AKAIN1: variants seen among roughly 807,000 people sequenced by gnomAD.
The protein encoded by AKAIN1 is A-kinase anchor protein inhibitor 1.
A neutral mutation model predicts 3.7 loss-of-function variants in AKAIN1; 3 were observed. That is an observed-to-expected ratio of 0.82 (90% CI 0.37 to 2.12). The LOEUF (loss-of-function observed/expected upper bound fraction) is 2.12. Ranked by LOEUF, AKAIN1 falls within the 30% of genes most tolerant of loss-of-function variation. The probability of loss-of-function intolerance (pLI) is 0.06; values close to 1 mark genes in which losing one functional copy is unlikely to be tolerated. For synonymous variants in AKAIN1, 31 were observed against 30.8 expected (o/e 1.01, Z -0.02); for missense variants, 82 against 82.7 (o/e 0.99, Z 0.03).
intron 1 of AKAIN1, among the ~76,000 whole-genome samples, chr18:5,189,389 C>T (rs534131280): frequency 6.6e-6 from 1 of 152,284 alleles, no homozygotes; most frequent in South Asian, 2.1e-4. Context: ...CACACTTTTT[C>T]ACTCTTTATA....
intron 1 of AKAIN1, among the ~76,000 whole-genome samples, chr18:5,151,133 G>GCA (rs200113868): frequency 0.025 from 3,835 of 152,192 alleles, 90 homozygotes; most frequent in South Asian, 0.086. Flanking sequence ...ACCACTCCCT[G>GCA]CACACACACT....
chr18:5,175,537 T>G (rs1384413685), intron 1 of AKAIN1, among the ~76,000 whole-genome samples: 1 of 152,168 alleles, frequency 6.6e-6, no homozygotes, highest in Non-Finnish European at 1.5e-5. Context: ...AAGTGCTTAG[T>G]TCCTTTTCCT....
intron 1 of AKAIN1, among the ~76,000 whole-genome samples, chr18:5,179,230 C>G (rs2071243351): frequency 6.6e-6 from 1 of 152,080 alleles, no homozygotes; most frequent in African/African-American, 2.4e-5. Context: ...TCTCCAGTGT[C>G]TATTACTTCT....
At chr18:5,177,513 T>C (rs950239238) in intron 1 of AKAIN1, among the ~76,000 whole-genome samples, 1 of 152,028 alleles carries the variant, frequency 6.6e-6, no homozygotes, top group African/African-American at 2.4e-5. Flanking sequence ...TATGCATACA[T>C]ATGTATACCT....
chr18:5,184,171 C>A (rs1377669657), intron 1 of AKAIN1, among the ~76,000 whole-genome samples: 1 of 151,942 alleles, frequency 6.6e-6, no homozygotes, highest in Non-Finnish European at 1.5e-5. Context: ...TCTGCACATG[C>A]CCCACAATGA....
rs147880850 is a variant in AKAIN1 at position 5,149,216 on chromosome 18, G to A, written c.17-3461C>T. On this transcript the variant is annotated intron_variant, in intron 1 of 1. Coordinates refer to ENST00000434239, the MANE Select transcript of AKAIN1 (RefSeq NM_001145194.2). ...GAGGTTGTGGGACAAAGAGAGCAGC[G>A]AAGCCTGGAGCAGAGAAAGAGAGGG... is the stretch of plus-strand genomic sequence containing the variant. Among the ~76,000 whole-genome samples, 1,002 of 152,314 alleles carry A rather than the reference G, an allele frequency of 6.6e-3. 8 individuals are homozygous for A. Among genetic ancestry groups the A allele is most frequent in the African/African-American group, 0.019 (810 of 41,570 alleles).
At chr18:5,169,456 C>T (rs1162900122) in intron 1 of AKAIN1, among the ~76,000 whole-genome samples, 1 of 151,986 alleles carries the variant, frequency 6.6e-6, no homozygotes, top group Non-Finnish European at 1.5e-5. Flanking sequence ...CCCTCTCTGC[C>T]TGAGACCATG....
At chr18:5,188,282 G>C (rs1448535434) in intron 1 of AKAIN1, among the ~76,000 whole-genome samples, 1 of 151,956 alleles carries the variant, frequency 6.6e-6, no homozygotes, top group East Asian at 1.9e-4. Context: ...CTACAGTTCT[G>C]TGGTCTCAGG....
intron 1 of AKAIN1, among the ~76,000 whole-genome samples, chr18:5,155,267 C>A (rs1410835014): frequency 6.6e-6 from 1 of 152,130 alleles, no homozygotes; most frequent in Non-Finnish European, 1.5e-5. Context: ...GGTTTTGCAT[C>A]CTGTGCTTCA....
rs944226243 is a variant in AKAIN1 at position 5,143,617 on chromosome 18, A to G, written c.*1945T>C. On this transcript the variant is annotated 3_prime_UTR_variant, in exon 2 of 2. Transcript: ENST00000434239. ...TAGCCTTGGAAGTCTCATGGTTCCAAATAATGGTAAGATCCACGTACAAAA... is the reference window on the plus strand; with the variant it reads ...TAGCCTTGGAAGTCTCATGGTTCCAGATAATGGTAAGATCCACGTACAAAA... Among the ~76,000 whole-genome samples, 2 of 152,182 alleles carry G rather than the reference A, an allele frequency of 1.3e-5. No individual in the cohort carries two copies. Among genetic ancestry groups the G allele is most frequent in the African/African-American group, 4.8e-5 (2 of 41,432 alleles).
At chr18:5,183,224 G>T (rs1364576758) in intron 1 of AKAIN1, among the ~76,000 whole-genome samples, 1 of 151,862 alleles carries the variant, frequency 6.6e-6, no homozygotes, top group Non-Finnish European at 1.5e-5. Context: ...AAAAAATTAA[G>T]AGTACATTGA....
intron 1 of AKAIN1, among the ~76,000 whole-genome samples, chr18:5,163,175 C>T (rs925004370): frequency 7.9e-5 from 12 of 151,456 alleles, no homozygotes; most frequent in South Asian, 4.1e-4. Flanking sequence ...ATGGGCACAA[C>T]GAAGCAGTCC....
intron 1 of AKAIN1, chr18:5,163,850 A>G (rs868469117): frequency 6.6e-6 from 1 of 152,110 alleles, no homozygotes; most frequent in African/African-American, 2.4e-5. Flanking sequence ...CTGGCAAATA[A>G]TATTATCGAT....
At position 5,196,764 on chromosome 18, in the gene AKAIN1, T is replaced by C. The variant is rs1284684773; in HGVS notation, c.16+274A>G. 2.6e-5 allele frequency among the ~76,000 whole-genome samples: 4 copies of C among 152,184 alleles called. No homozygotes were observed. In the East Asian group the frequency reaches 7.7e-4, roughly 29 times the overall value. On this transcript the variant is annotated intron_variant, in intron 1 of 1. Transcript: ENST00000434239. Reference sequence around the variant, plus strand: ...CGAAAGTCCCAGTTCTTAAGGCTCCTGAGCTCGGAAGGGGTGTGGAGGAGC... The same window carrying C: ...CGAAAGTCCCAGTTCTTAAGGCTCCCGAGCTCGGAAGGGGTGTGGAGGAGC...
At chr18:5,180,914 C>A (rs1391836403) in intron 1 of AKAIN1, among the ~76,000 whole-genome samples, 1 of 152,060 alleles carries the variant, frequency 6.6e-6, no homozygotes, top group Non-Finnish European at 1.5e-5. Context: ...ACTCATTATA[C>A]TTGTCCAGAA....
At chr18:5,191,769 G>C (rs554126526) in intron 1 of AKAIN1, among the ~76,000 whole-genome samples, 54 of 152,042 alleles carry the variant, frequency 3.6e-4, no homozygotes, top group Middle Eastern at 3.2e-3. Flanking sequence ...AAAATGCTAA[G>C]GGCAAGAAGC....
At chr18:5,192,435 T>C (rs534390883) in intron 1 of AKAIN1, among the ~76,000 whole-genome samples, 1 of 115,634 alleles carries the variant, frequency 8.6e-6, no homozygotes, top group East Asian at 4.2e-4. Flanking sequence ...CTTTCTTTCT[T>C]TCTTTCTTTC....
rs115226696 is a variant in AKAIN1 at position 5,143,558 on chromosome 18, C to G, written c.*2004G>C. On this transcript the variant is annotated 3_prime_UTR_variant, in exon 2 of 2. Transcript: ENST00000434239. Reference sequence around the variant, plus strand: ...CAGTGAAGGGCCCATTAAGGAAGCACTTCCCCTGGTCATGATATCTAGGGG... The same window carrying G: ...CAGTGAAGGGCCCATTAAGGAAGCAGTTCCCCTGGTCATGATATCTAGGGG... Among the ~76,000 whole-genome samples, 2,089 of 152,344 alleles carry G rather than the reference C, an allele frequency of 0.014. 40 individuals are homozygous for G. Among genetic ancestry groups the G allele is most frequent in the African/African-American group, 0.047 (1,973 of 41,580 alleles).
intron 1 of AKAIN1, among the ~76,000 whole-genome samples, chr18:5,196,548 C>G (rs1567882132): frequency 6.6e-6 from 1 of 152,258 alleles, no homozygotes; most frequent in Admixed American, 6.5e-5. Context: ...CTCTGCCCTT[C>G]GTCCTACTCC....
Sources: gnomAD v4.1 joint callset for allele counts (sites outside exome capture counted in the v4.1 genomes callset) on GRCh38, gnomAD v4.1.1 for gene constraint, MANE v1.5 for transcripts, NCBI Gene and HGNC (gene_info 2026-07-23, HGNC 2026-07-21) for gene names.